The following CSMD1 variants were observed in gnomAD, a reference collection of about 807,000 sequenced individuals.
CSMD1 encodes the protein CUB and sushi domain-containing protein 1.
CSMD1 carries 213 observed loss-of-function variants against 417.5 expected under a neutral mutation model. That is an observed-to-expected ratio of 0.51 (90% confidence interval 0.46 to 0.57). CSMD1 has a LOEUF of 0.57. Among genes scored for constraint, CSMD1 ranks in the 20% least tolerant of loss-of-function variants. The probability of loss-of-function intolerance (pLI) is 0.00; values close to 1 mark genes in which losing one functional copy is unlikely to be tolerated. For missense variants in CSMD1, 6,923 were observed against 4,529.7 expected, an observed-to-expected ratio of 1.53 and a Z score of -15.17; for synonymous variants, 2,862 against 1,736.8, an observed-to-expected ratio of 1.65 and a Z score of -16.11.
At chr8:4,531,165 G>A (rs1160531968) in intron 2 of CSMD1, among the ~76,000 whole-genome samples, 2 of 152,138 alleles carry the variant, frequency 1.3e-5, no homozygotes, top group African/African-American at 4.8e-5. Context: ...TGTAGGATCT[G>A]TCACCAAATG....
intron 5 of CSMD1, among the ~76,000 whole-genome samples, chr8:3,905,258 C>G (rs1359060655): frequency 6.6e-6 from 1 of 152,070 alleles, no homozygotes; most frequent in African/African-American, 2.4e-5. Context: ...AGATTATATT[C>G]TTTCATACAA....
chr8:4,795,598 T>C (rs1295952129), intron 1 of CSMD1, among the ~76,000 whole-genome samples: 1 of 152,094 alleles, frequency 6.6e-6, no homozygotes, highest in Non-Finnish European at 1.5e-5. Flanking sequence ...TTCTGTTTTT[T>C]CTTCTTTAAC....
chr8:3,474,882 C>A (rs945341876), intron 11 of CSMD1, among the ~76,000 whole-genome samples: 1 of 152,254 alleles, frequency 6.6e-6, no homozygotes, highest in South Asian at 2.1e-4. Flanking sequence ...TAATGAAACA[C>A]TAAATAAATC....
At chr8:3,220,486 AT>A (rs1271473084) in intron 28 of CSMD1, among the ~76,000 whole-genome samples, 2 of 152,200 alleles carry the variant, frequency 1.3e-5, no homozygotes, top group African/African-American at 4.8e-5. Context: ...CTTGGTTAAG[AT>A]GTCTAAGATC....
intron 12 of CSMD1, among the ~76,000 whole-genome samples, chr8:3,416,083 T>G (rs573271784): frequency 6.6e-6 from 1 of 151,954 alleles, no homozygotes; most frequent in Non-Finnish European, 1.5e-5. Flanking sequence ...AGGTGGATCA[T>G]GAGGTCAGGA....
At chr8:4,179,824 A>G (rs1290897452) in intron 3 of CSMD1, among the ~76,000 whole-genome samples, 2 of 152,218 alleles carry the variant, frequency 1.3e-5, no homozygotes, top group Non-Finnish European at 1.5e-5. Flanking sequence ...GACACATGAA[A>G]AAATGCTCAT....
intron 2 of CSMD1, among the ~76,000 whole-genome samples, chr8:4,475,474 TAC>T (rs1390767803): frequency 6.6e-6 from 1 of 152,170 alleles, no homozygotes; most frequent in Non-Finnish European, 1.5e-5. Flanking sequence ...TGATTCTCGA[TAC>T]AGAGAACCCA....
At chr8:3,050,932 A>G (rs1811779654) in intron 50 of CSMD1, among the ~76,000 whole-genome samples, 1 of 152,216 alleles carries the variant, frequency 6.6e-6, no homozygotes, top group African/African-American at 2.4e-5. Context: ...ATCATTGTAA[A>G]TAAGTAAAAA....
At position 4,377,906 on chromosome 8, in the gene CSMD1, AG is replaced by A. The variant is rs1165011540; in HGVS notation, c.415+42046del. ...TGAATTAGTATGGATTACTTTGTATAGTACTTAAATTGGGAGGTACTTAACA... is the reference window on the plus strand; with the variant it reads ...TGAATTAGTATGGATTACTTTGTATATACTTAAATTGGGAGGTACTTAACA... On this transcript the variant is annotated intron_variant, in intron 3 of 69. Transcript: ENST00000635120. Among the ~76,000 whole-genome samples, 8 of 152,214 alleles carry A rather than the reference AG, an allele frequency of 5.3e-5. No homozygotes were observed. In the South Asian group the frequency reaches 6.2e-4, roughly 12 times the overall value.
At chr8:4,122,198 G>A (rs1053561902) in intron 3 of CSMD1, among the ~76,000 whole-genome samples, 1 of 152,164 alleles carries the variant, frequency 6.6e-6, no homozygotes, top group Non-Finnish European at 1.5e-5. Context: ...CCAACACCGT[G>A]TTAATGATAG....
intron 10 of CSMD1, among the ~76,000 whole-genome samples, chr8:3,494,697 TGAGA>T (rs34003210): frequency 0.74 from 111,239 of 150,718 alleles, 41,351 homozygotes; most frequent in Middle Eastern, 0.85. Flanking sequence ...AATATATAAA[TGAGA>T]GAGAGAGAGA....
intron 6 of CSMD1, among the ~76,000 whole-genome samples, chr8:3,729,875 A>G (rs73187234): frequency 0.086 from 12,325 of 143,662 alleles, 655 homozygotes; most frequent in Middle Eastern, 0.13. Context: ...TCAAAACATC[A>G]CACTGTACTC....
rs755660435 is a variant in CSMD1 at position 3,393,565 on chromosome 8, A to T, written c.2593+2629T>A. 8.5e-4 allele frequency among the ~76,000 whole-genome samples: 129 copies of T among 152,130 alleles called. 4 individuals are homozygous for T. Among genetic ancestry groups the T allele is most frequent in the Middle Eastern group, 3.2e-3 (1 of 316 alleles). On this transcript the variant is annotated intron_variant, in intron 17 of 69. Coordinates refer to ENST00000635120, the MANE Select transcript of CSMD1 (RefSeq NM_033225.6). ...GTTCATATCCTTCACCCACTTTCAC[A>T]ATAGCAAAGACTTGGAAACAACCCA...
chr8:4,493,814 G>C (rs1475928756), intron 2 of CSMD1, among the ~76,000 whole-genome samples: 4 of 152,192 alleles, frequency 2.6e-5, no homozygotes, highest in Admixed American at 2.0e-4. Context: ...GGAGCCACTA[G>C]AGGACATCAT....
chr8:4,679,490 A>T (rs1380649320), intron 1 of CSMD1, among the ~76,000 whole-genome samples: 1 of 152,354 alleles, frequency 6.6e-6, no homozygotes, highest in South Asian at 2.1e-4. Context: ...TCACTATTCT[A>T]GAATTTCATG....
intron 8 of CSMD1, among the ~76,000 whole-genome samples, chr8:3,603,738 T>C (rs1801473872): frequency 6.6e-6 from 1 of 152,218 alleles, no homozygotes; most frequent in Non-Finnish European, 1.5e-5. Context: ...CCCTGATATA[T>C]GGGCTTGATT....
At chr8:4,669,004 T>C (rs375668013) in intron 1 of CSMD1, among the ~76,000 whole-genome samples, 4 of 152,332 alleles carry the variant, frequency 2.6e-5, no homozygotes, top group East Asian at 3.9e-4. Flanking sequence ...AATCTTCCTT[T>C]TAATCTCACT....
chr8:3,984,637 C>A (rs1354356282), intron 5 of CSMD1, among the ~76,000 whole-genome samples: 1 of 144,464 alleles, frequency 6.9e-6, no homozygotes, highest in Non-Finnish European at 1.5e-5. Context: ...GAACAAAATG[C>A]CAAGGCTTGT....
At chr8:4,265,152 T>A (rs1263339847) in intron 3 of CSMD1, among the ~76,000 whole-genome samples, 1 of 152,176 alleles carries the variant, frequency 6.6e-6, no homozygotes, top group Admixed American at 6.6e-5. Context: ...TCGACTATTA[T>A]TAGTAAAAAT....
Sources: allele counts gnomAD v4.1 joint callset (sites outside exome capture counted in the v4.1 genomes callset), GRCh38; gene constraint gnomAD v4.1.1; transcripts MANE v1.5; gene names NCBI Gene and HGNC (gene_info 2026-07-23, HGNC 2026-07-21).